NIBAN1: variants seen among roughly 807,000 people sequenced by gnomAD.
NIBAN1 encodes the protein niban apoptosis regulator 1.
A neutral mutation model predicts 75.1 loss-of-function variants in NIBAN1; 81 were observed. The ratio of observed to expected loss-of-function variants is 1.08; its 90% confidence interval spans 0.90 to 1.30. The LOEUF is 1.30. NIBAN1 is among the 50% of genes most tolerant of loss of function. NIBAN1 has a pLI of 0.00. For synonymous variants in NIBAN1, 436 were observed against 424.8 expected (o/e 1.03, Z -0.32); for missense variants, 1,133 against 1,128.1 (o/e 1.00, Z -0.06).
intron 5 of NIBAN1, among the ~76,000 whole-genome samples, chr1:184,843,307 T>C (rs1026321217): frequency 2.6e-5 from 4 of 152,188 alleles, no homozygotes. Context: ...TTATAGCTTG[T>C]CTGTGATAGC....
intron 6 of NIBAN1, among the ~76,000 whole-genome samples, chr1:184,825,558 G>T (rs1173810258): frequency 6.6e-6 from 1 of 152,062 alleles, no homozygotes; most frequent in East Asian, 1.9e-4. Context: ...AATATGGGAG[G>T]GAGTGTCTAA....
intron 8 of NIBAN1, among the ~76,000 whole-genome samples, chr1:184,820,200 T>C (rs1398293939): frequency 1.3e-5 from 2 of 152,208 alleles, no homozygotes; most frequent in African/African-American, 4.8e-5. Flanking sequence ...TAATTAACTT[T>C]AAAGAGAGGA....
At chr1:184,970,288 A>T (rs530238041) in intron 1 of NIBAN1, among the ~76,000 whole-genome samples, 1 of 152,268 alleles carries the variant, frequency 6.6e-6, no homozygotes, top group East Asian at 1.9e-4. Context: ...TTACTAGCCA[A>T]CTTGGACTCT....
chr1:184,963,350 G>A (rs1241996892), intron 1 of NIBAN1, among the ~76,000 whole-genome samples: 1 of 152,092 alleles, frequency 6.6e-6, no homozygotes, highest in African/African-American at 2.4e-5. Flanking sequence ...GCAAAATGGG[G>A]AACATCCCTT....
chr1:184,956,450 C>G (rs1224329022), intron 1 of NIBAN1, among the ~76,000 whole-genome samples: 1 of 152,160 alleles, frequency 6.6e-6, no homozygotes, highest in African/African-American at 2.4e-5. Context: ...TTCTCCAACC[C>G]TGAATGTAGG....
At chr1:184,810,531 A>G (rs913705270) in intron 9 of NIBAN1, among the ~76,000 whole-genome samples, 3 of 152,218 alleles carry the variant, frequency 2.0e-5, no homozygotes, top group Admixed American at 6.5e-5. Flanking sequence ...GAGTCAGATA[A>G]AATTGAAAAC....
At chr1:184,902,046 T>C (rs1656969819) in intron 1 of NIBAN1, among the ~76,000 whole-genome samples, 1 of 152,132 alleles carries the variant, frequency 6.6e-6, no homozygotes, top group Non-Finnish European at 1.5e-5. Flanking sequence ...AATGTAGGGA[T>C]CCTAAGACTG....
intron 5 of NIBAN1, among the ~76,000 whole-genome samples, chr1:184,835,697 T>A (rs1266074935): frequency 1.3e-5 from 2 of 152,268 alleles, no homozygotes; most frequent in African/African-American, 2.4e-5. Flanking sequence ...TGATTTTGTA[T>A]CCTGAGACTT....
At chr1:184,820,623 C>T (rs1030522414) in intron 8 of NIBAN1, among the ~76,000 whole-genome samples, 5 of 152,188 alleles carry the variant, frequency 3.3e-5, no homozygotes, top group African/African-American at 1.2e-4. Flanking sequence ...GCAGAGATGC[C>T]GCTGTGATGC....
intron 1 of NIBAN1, among the ~76,000 whole-genome samples, chr1:184,919,287 A>T (rs1657469500): frequency 6.6e-6 from 1 of 152,256 alleles, no homozygotes. Context: ...TGCCTGAAGC[A>T]GCCTTGGATT....
chr1:184,795,732 C>T lies in NIBAN1; in HGVS notation c.2032G>A (p.Gly678Ser), dbSNP rs1653839270. ...AACTCCAGCTCTGATGAGCATGTGC[C>T]CGGGAGTCCTGCTGTGTCCTCTGTT... ...VATEDTAGLP[G>S]TCSSELEFGG... The change falls in exon 14 of 14, where the codon GGC (glycine) becomes AGC (serine). Residue 678 changes from glycine to serine, a missense_variant. Physicochemically the swap from Gly to Ser is moderately conservative, Grantham distance 56 (BLOSUM62 0). Coordinates refer to ENST00000367511, the MANE Select transcript of NIBAN1 (RefSeq NM_052966.4). 2 of 1,612,856 alleles carry T rather than the reference C, an allele frequency of 1.2e-6. No homozygotes were observed. The highest frequency in any genetic ancestry group is 1.1e-5 in the South Asian group (1 of 90,904).
intron 9 of NIBAN1, 44 bp from the exon 10 acceptor site, chr1:184,808,279 G>A (rs1216002054): frequency 3.8e-6 from 6 of 1,589,308 alleles, no homozygotes; most frequent in East Asian, 2.2e-5. Context: ...TCAGAATGAG[G>A]AGCGGTATTG....
intron 5 of NIBAN1, among the ~76,000 whole-genome samples, chr1:184,838,021 G>C (rs1029885103): frequency 6.6e-6 from 1 of 152,006 alleles, no homozygotes; most frequent in Non-Finnish European, 1.5e-5. Flanking sequence ...GGTATTGTCC[G>C]ACTGGTGCAA....
rs1557877415 is a variant in NIBAN1 at position 184,823,029 on chromosome 1, T to A, written c.985+138A>T. On this transcript the variant is annotated intron_variant, in intron 8 of 13. Transcript: ENST00000367511. ...GGCCCCTAATGGTACCTCCAGCATG[T>A]TCCTGTTGCAGCTGTGATCACCTCC... The A allele has an allele frequency of 4.0e-6, 4 of 995,926 alleles. No individual in the cohort carries two copies. In the Admixed American group the frequency reaches 1.0e-4, roughly 25 times the overall value. The allele number at this position is 995,926 out of a possible 1,614,324, so 61.7% of individuals were successfully genotyped here.
chr1:184,939,587 T>A (rs1358521322), intron 1 of NIBAN1, among the ~76,000 whole-genome samples: 1 of 152,242 alleles, frequency 6.6e-6, no homozygotes, highest in Admixed American at 6.5e-5. Context: ...ACTTAATATT[T>A]AAGAATCACT....
chr1:184,837,985 C>T (rs1571506750), intron 5 of NIBAN1, among the ~76,000 whole-genome samples: 1 of 152,158 alleles, frequency 6.6e-6, no homozygotes, highest in Non-Finnish European at 1.5e-5. Context: ...TTAAACTTGA[C>T]CTCTACAACT....
chr1:184,874,979 G>C (rs1656196249), intron 5 of NIBAN1, among the ~76,000 whole-genome samples: 1 of 152,100 alleles, frequency 6.6e-6, no homozygotes, highest in African/African-American at 2.4e-5. Flanking sequence ...ATACAAATCA[G>C]ATTTTCTGTC....
At chr1:184,861,127 A>G (rs1655804881) in intron 5 of NIBAN1, among the ~76,000 whole-genome samples, 1 of 152,242 alleles carries the variant, frequency 6.6e-6, no homozygotes, top group African/African-American at 2.4e-5. Flanking sequence ...CAACTCTGCC[A>G]TTCTATTGCA....
chr1:184,914,169 G>C (rs1253442294), intron 1 of NIBAN1, among the ~76,000 whole-genome samples: 1 of 152,168 alleles, frequency 6.6e-6, no homozygotes, highest in Non-Finnish European at 1.5e-5. Flanking sequence ...CTTCAGAAAG[G>C]TGCAGGTCTA....
Sources: allele counts gnomAD v4.1 joint callset (sites outside exome capture counted in the v4.1 genomes callset), GRCh38; gene constraint gnomAD v4.1.1; transcripts MANE v1.5; gene names NCBI Gene and HGNC (gene_info 2026-07-23, HGNC 2026-07-21).